Variants in FGF7 observed in about 807,000 individuals in gnomAD.
FGF7 encodes the protein fibroblast growth factor 7.
Under a neutral mutation model 20.5 loss-of-function variants are expected in FGF7, and 6 were observed. That is an observed-to-expected ratio of 0.29 (90% confidence interval 0.16 to 0.58). FGF7 has a LOEUF of 0.58. Among genes scored for constraint, FGF7 ranks in the 20% least tolerant of loss-of-function variants. The pLI, the probability that FGF7 is intolerant of heterozygous loss-of-function variation, is 0.90. For missense variants in FGF7, 144 were observed against 228.8 expected, an observed-to-expected ratio of 0.63 and a Z score of 2.39; for synonymous variants, 64 against 74.7, an observed-to-expected ratio of 0.86 and a Z score of 0.74.
intron 2 of FGF7, among the ~76,000 whole-genome samples, chr15:49,475,945 A>G (rs2151984699): frequency 6.6e-6 from 1 of 152,280 alleles, no homozygotes; most frequent in Non-Finnish European, 1.5e-5. Flanking sequence ...ATTTGGCCCT[A>G]ACTCTTTTTC....
At chr15:49,464,499 T>C (rs2054087864) in intron 2 of FGF7, among the ~76,000 whole-genome samples, 5 of 152,162 alleles carry the variant, frequency 3.3e-5, no homozygotes, top group African/African-American at 9.7e-5. Context: ...ACTAAGCTAA[T>C]GATGATAAAA....
chr15:49,457,379 A>C (rs2053406442), intron 2 of FGF7, among the ~76,000 whole-genome samples: 1 of 152,054 alleles, frequency 6.6e-6, no homozygotes, highest in Admixed American at 6.6e-5. Context: ...TATGAGAGAT[A>C]ACTTTTTTAA....
In FGF7 at chr15:49,480,264, T is replaced by C. The variant is rs560866968; in HGVS notation, c.287-2887T>C. On this transcript the variant is annotated intron_variant, in intron 2 of 3. Transcript: ENST00000267843. ...ATTTTTGGTATCCTTAACCCTAATA[T>C]GTGGAGGGATAAGATTAAAAATGTT... Among the ~76,000 whole-genome samples, 289 of 152,296 alleles carry C rather than the reference T, an allele frequency of 1.9e-3. 2 individuals carry two copies. The highest frequency in any genetic ancestry group is 6.5e-3 in the African/African-American group (270 of 41,568).
intron 2 of FGF7, among the ~76,000 whole-genome samples, chr15:49,454,581 C>T (rs1336404706): frequency 2.0e-5 from 3 of 151,976 alleles, no homozygotes; most frequent in Non-Finnish European, 4.4e-5. Context: ...CTAGATATTC[C>T]CCATAATTAT....
chr15:49,424,750 C>A, intron 2 of FGF7, 167 bp downstream of exon 2: 2 of 512,654 alleles, frequency 3.9e-6, no homozygotes, highest in Non-Finnish European at 6.6e-6. Flanking sequence ...CTAAAAATAT[C>A]TCTTTTAACA....
chr15:49,435,107 A>AG (rs1173477729), intron 2 of FGF7, among the ~76,000 whole-genome samples: 2 of 151,596 alleles, frequency 1.3e-5, no homozygotes, highest in South Asian at 2.1e-4. Flanking sequence ...ATGAAGTGAG[A>AG]GGGGGGTACA....
At chr15:49,461,630 A>G (rs1237919814) in intron 2 of FGF7, among the ~76,000 whole-genome samples, 8 of 152,250 alleles carry the variant, frequency 5.3e-5, no homozygotes, top group African/African-American at 1.9e-4. Flanking sequence ...TAAGTTGTAC[A>G]CTATGTATTC....
chr15:49,458,301 T>C (rs2053499910), intron 2 of FGF7, among the ~76,000 whole-genome samples: 1 of 152,002 alleles, frequency 6.6e-6, no homozygotes, highest in African/African-American at 2.4e-5. Context: ...ACGTGCCAAA[T>C]AGTACATTTA....
intron 2 of FGF7, among the ~76,000 whole-genome samples, chr15:49,482,759 T>A (rs1351951692): frequency 1.3e-5 from 2 of 152,104 alleles, no homozygotes; most frequent in African/African-American, 4.8e-5. Context: ...TGTCTCAATC[T>A]GTGGTTATGA....
At chr15:49,478,105 T>A (rs1203972958) in intron 2 of FGF7, among the ~76,000 whole-genome samples, 2 of 152,162 alleles carry the variant, frequency 1.3e-5, no homozygotes, top group Non-Finnish European at 2.9e-5. Flanking sequence ...GTGTCAGTTG[T>A]TGCCATCTTT....
At chr15:49,474,818 G>A (rs989998595) in intron 2 of FGF7, among the ~76,000 whole-genome samples, 8 of 152,044 alleles carry the variant, frequency 5.3e-5, no homozygotes, top group Admixed American at 3.9e-4. Flanking sequence ...TAGGTTGCGT[G>A]CTCCGTACGA....
intron 2 of FGF7, among the ~76,000 whole-genome samples, chr15:49,478,489 G>T (rs2055576434): frequency 6.6e-6 from 1 of 152,016 alleles, no homozygotes; most frequent in Non-Finnish European, 1.5e-5. Context: ...TAATAGTTAA[G>T]ATTTCCCACT....
intron 2 of FGF7, among the ~76,000 whole-genome samples, chr15:49,451,726 C>T (rs890846284): frequency 1.3e-5 from 2 of 151,994 alleles, no homozygotes; most frequent in Admixed American, 6.6e-5. Flanking sequence ...AAATTTGAAG[C>T]CTTTATTGGG....
chr15:49,449,380 A>G (rs1469506042), intron 2 of FGF7, among the ~76,000 whole-genome samples: 2 of 152,056 alleles, frequency 1.3e-5, no homozygotes, highest in Non-Finnish European at 2.9e-5. Context: ...AAAGACAGTT[A>G]TATTTCTATT....
chr15:49,478,374 A>G (rs1304724377), intron 2 of FGF7, among the ~76,000 whole-genome samples: 2 of 149,314 alleles, frequency 1.3e-5, no homozygotes, highest in Non-Finnish European at 3.0e-5. Flanking sequence ...TGTTTTTTGT[A>G]TATGTTGGAT....
chr15:49,471,651 C>A (rs1180817710), intron 2 of FGF7, among the ~76,000 whole-genome samples: 4 of 151,940 alleles, frequency 2.6e-5, no homozygotes, highest in Non-Finnish European at 4.4e-5. Flanking sequence ...ATTTTCTAAT[C>A]AAGAATGGCG....
At chr15:49,449,124 C>A (rs2052492379) in intron 2 of FGF7, among the ~76,000 whole-genome samples, 1 of 151,916 alleles carries the variant, frequency 6.6e-6, no homozygotes, top group South Asian at 2.1e-4. Context: ...TTGAATGATA[C>A]CTTCAGTCTG....
At chr15:49,470,599 A>G (rs2054651701) in intron 2 of FGF7, among the ~76,000 whole-genome samples, 1 of 152,190 alleles carries the variant, frequency 6.6e-6, no homozygotes, top group African/African-American at 2.4e-5. Context: ...CTGTGTTTGA[A>G]ATGATATTTG....
In FGF7 at chr15:49,487,171, G is replaced by A. The variant is rs569620069; in HGVS notation, c.*2667G>A. 172 of 151,836 alleles carry A rather than the reference G, an allele frequency of 1.1e-3. No individual in the cohort carries two copies. Among genetic ancestry groups the A allele is most frequent in the Non-Finnish European group, 2.1e-4 (14 of 67,826 alleles). 9.4% of individuals were successfully genotyped at this position (151,836 alleles called of 1,614,324 possible). ...TATACTGTGATGATTTGACTCAAAA[G>A]GAGAAAAGAAATTATGTAGTTTTCA... is the stretch of plus-strand genomic sequence containing the variant. On this transcript the variant is annotated 3_prime_UTR_variant, in exon 4 of 4. Coordinates refer to ENST00000267843, the MANE Select transcript of FGF7 (RefSeq NM_002009.4).
Sources: gnomAD v4.1 joint callset for allele counts (sites outside exome capture counted in the v4.1 genomes callset) on GRCh38, gnomAD v4.1.1 for gene constraint, MANE v1.5 for transcripts, NCBI Gene and HGNC (gene_info 2026-07-23, HGNC 2026-07-21) for gene names.